Variants in SLC25A16 observed in about 807,000 individuals in gnomAD.
SLC25A16 encodes mitochondrial coenzyme A transporter SLC25A16.
SLC25A16 carries 39 observed loss-of-function variants against 41.5 expected under a neutral mutation model. The observed-to-expected ratio is 0.94, with a 90% CI of 0.73 to 1.23. The LOEUF (loss-of-function observed/expected upper bound fraction) is 1.23. Among genes scored for constraint, SLC25A16 ranks in the 50% most tolerant of loss-of-function variants. SLC25A16 has a pLI of 0.00. For synonymous variants in SLC25A16, 146 were observed against 147.8 expected, an observed-to-expected ratio of 0.99 and a Z score of 0.09; for missense variants, 421 against 426.9, an observed-to-expected ratio of 0.99 and a Z score of 0.12.
In SLC25A16 at chr10:68,513,387, C is replaced by A. The variant is rs576089916; in HGVS notation, c.223+3364G>T. Among the ~76,000 whole-genome samples, 13 of 111,432 alleles carry A rather than the reference C, an allele frequency of 1.2e-4. No homozygotes were observed. In the South Asian group the frequency reaches 3.2e-3, roughly 27 times the overall value. 73.1% of individuals were successfully genotyped at this position (111,432 alleles called of 152,430 possible). On this transcript the variant is annotated intron_variant, in intron 2 of 8. Transcript: ENST00000609923. ...TCACATCACTGCACTCCAGCCTGGG[C>A]AATAGAGCAAGACCATCTCAAAAAA...
At chr10:68,486,226 C>CAAA (rs1333581796) in intron 8 of SLC25A16, among the ~76,000 whole-genome samples, 1 of 54,754 alleles carries the variant, frequency 1.8e-5, no homozygotes, top group African/African-American at 6.3e-5. Flanking sequence ...CTCAAAAAAA[C>CAAA]AAAACAAAAA....
intron 3 of SLC25A16, among the ~76,000 whole-genome samples, chr10:68,504,004 G>A (rs1168201168): frequency 6.8e-6 from 1 of 146,904 alleles, no homozygotes; most frequent in East Asian, 2.0e-4. Context: ...GGGGTAGTAG[G>A]AATAAACTGC....
chr10:68,499,537 G>A (rs924330727), intron 4 of SLC25A16: 2 of 217,732 alleles, frequency 9.2e-6, no homozygotes, highest in Admixed American at 9.6e-5. Context: ...CCAAAATGAA[G>A]TTCAATCCCT....
chr10:68,516,996 C>T, intron 1 of SLC25A16, 153 bp from the exon 2 acceptor site: 1 of 1,058,622 alleles, frequency 9.4e-7, no homozygotes. Context: ...TGACTGGTCC[C>T]CATTTCCTGT....
intron 1 of SLC25A16, among the ~76,000 whole-genome samples, chr10:68,523,022 T>A (rs983393476): frequency 6.6e-6 from 1 of 152,136 alleles, no homozygotes; most frequent in South Asian, 2.1e-4. Flanking sequence ...AACTACTCTA[T>A]ATCTTGACTA....
Position 68,483,536 on chromosome 10 carries a change from CT to C in SLC25A16, c.894del (p.Gly299AspfsTer27). The C allele has an allele frequency of 6.2e-7, 1 of 1,611,788 alleles. No individual in the cohort carries two copies. The highest frequency in any genetic ancestry group is 8.5e-7 in the Non-Finnish European group (1 of 1,178,614). On this transcript the variant is annotated frameshift_variant, in exon 9 of 9. Transcript: ENST00000609923. LOFTEE classifies it high-confidence loss of function. The part of the protein sequence containing the change: ...KYVYGHHGIR[K>X]GLYRGLSLNY... Reference sequence around the variant, plus strand: ...TTAAGAGATAAACCACGATAGAGTCCTTTTCGAATTCCATGGTGTCCATAGA... The same window carrying C: ...TTAAGAGATAAACCACGATAGAGTCCTTTCGAATTCCATGGTGTCCATAGA...
Position 68,515,079 on chromosome 10 carries a change from A to G in SLC25A16, c.223+1672T>C, listed in dbSNP as rs1025749082. Among the ~76,000 whole-genome samples the G allele has an allele frequency of 7.4e-5, 11 of 148,876 alleles. No homozygotes were observed. In the East Asian group the frequency reaches 2.3e-3, roughly 32 times the overall value. ...TTTTTTTTTAACAAAGCAAGTGGCC[A>G]GGTGCGGTGGCTCACACCTGTAATC... On this transcript the variant is annotated intron_variant, in intron 2 of 8. Transcript: ENST00000609923.
intron 2 of SLC25A16, among the ~76,000 whole-genome samples, chr10:68,512,016 C>A (rs187848264): frequency 2.0e-5 from 3 of 152,200 alleles, no homozygotes; most frequent in Non-Finnish European, 4.4e-5. Context: ...GCCACCAAGC[C>A]TGGATAATTT....
At chr10:68,509,328 ACT>A (rs2133564655) in intron 2 of SLC25A16, among the ~76,000 whole-genome samples, 1 of 150,136 alleles carries the variant, frequency 6.7e-6, no homozygotes, top group East Asian at 2.0e-4. Flanking sequence ...CAAGAGTGAA[ACT>A]CTGTCTCAAA....
intron 4 of SLC25A16, chr10:68,496,676 T>C: frequency 2.1e-6 from 2 of 966,700 alleles, no homozygotes; most frequent in Non-Finnish European, 2.5e-6. Context: ...TCTTACTGTC[T>C]CTACAGTCTA....
intron 6 of SLC25A16, among the ~76,000 whole-genome samples, chr10:68,489,839 T>C (rs879713758): frequency 1.4e-4 from 20 of 146,026 alleles, no homozygotes; most frequent in Non-Finnish European, 2.8e-4. Context: ...AGGCGGAGGA[T>C]GCAGTGATCT....
At chr10:68,486,603 A>G in intron 8 of SLC25A16, among the ~76,000 whole-genome samples, 1 of 151,630 alleles carries the variant, frequency 6.6e-6, no homozygotes, top group East Asian at 2.0e-4. Context: ...CAAACTCCTG[A>G]CCTCAGGTGA....
chr10:68,483,777 T>C (rs982760857), intron 8 of SLC25A16, among the ~76,000 whole-genome samples, 189 bp from the exon 9 acceptor site: 1 of 152,092 alleles, frequency 6.6e-6, no homozygotes, highest in Admixed American at 6.6e-5. Context: ...ATTCTCCTGC[T>C]TCAGTCTCCT....
chr10:68,504,056 C>A (rs938347723), intron 3 of SLC25A16, among the ~76,000 whole-genome samples: 13 of 135,836 alleles, frequency 9.6e-5, no homozygotes, highest in South Asian at 9.4e-4. Context: ...GATGAAGTCT[C>A]GCTCTGTGTC....
chr10:68,501,026 C>T (rs368159849), intron 4 of SLC25A16, among the ~76,000 whole-genome samples: 2 of 150,280 alleles, frequency 1.3e-5, no homozygotes, highest in Non-Finnish European at 3.0e-5. Flanking sequence ...CCGAGGTGGG[C>T]GAATCACCTG....
chr10:68,515,597 G>A (rs997845271), intron 2 of SLC25A16, among the ~76,000 whole-genome samples: 6 of 151,866 alleles, frequency 4.0e-5, no homozygotes, highest in South Asian at 2.1e-4. Flanking sequence ...TTGGGAGTTC[G>A]AGAGCAGCCT....
At chr10:68,499,817 C>T (rs2052810727) in intron 4 of SLC25A16, 1 of 465,240 alleles carries the variant, frequency 2.1e-6, no homozygotes. Flanking sequence ...TACAACTATC[C>T]ATGTAGACAT....
chr10:68,487,187 G>A lies in SLC25A16; in HGVS notation c.799C>T (p.Arg267Ter), dbSNP rs375171189. The change falls in exon 8 of 9, where the codon CGA becomes TGA. Residue 267 changes from arginine (R) to a stop codon, truncating the protein, a stop_gained. Coordinates refer to ENST00000609923, the MANE Select transcript of SLC25A16 (RefSeq NM_152707.4). LOFTEE classifies it high-confidence loss of function. Reference protein sequence around the residue: ...ISYPFDVTRRRMQLGTVLPEF... With the variant: ...ISYPFDVTRR ...GGCAGAACAGTTCCTAATTGCATTCGCCGACGAGTCACATCAAATGGGTAG... is the reference window on the plus strand; with the variant it reads ...GGCAGAACAGTTCCTAATTGCATTCACCGACGAGTCACATCAAATGGGTAG... 3.4e-5 allele frequency: 55 copies of A among 1,613,188 alleles called. No individual in the cohort carries two copies. Among genetic ancestry groups the A allele is most frequent in the African/African-American group, 6.7e-5 (5 of 74,818 alleles).
At chr10:68,527,198 T>C (rs1352914894) in intron 1 of SLC25A16, 48 bp downstream of exon 1, 3 of 1,536,962 alleles carry the variant, frequency 2.0e-6, no homozygotes, top group Non-Finnish European at 2.6e-6. Flanking sequence ...CCCACAGTCC[T>C]GCCCCCGCCA....
Sources: gnomAD v4.1 joint callset for allele counts (sites outside exome capture counted in the v4.1 genomes callset) on GRCh38, gnomAD v4.1.1 for gene constraint, MANE v1.5 for transcripts, NCBI Gene and HGNC (gene_info 2026-07-23, HGNC 2026-07-21) for gene names.